NRXN1: variants seen among roughly 807,000 people sequenced by gnomAD.
NRXN1 encodes neurexin 1, also known as neurexin-1.
A neutral mutation model predicts 150.9 loss-of-function variants in NRXN1; 39 were observed. That is an observed-to-expected ratio of 0.26 (90% CI 0.20 to 0.34). The LOEUF (loss-of-function observed/expected upper bound fraction) is 0.34, where lower values mean the gene tolerates loss of function less well. Among genes scored for constraint, NRXN1 ranks in the 10% least tolerant of loss-of-function variants. The probability of loss-of-function intolerance (pLI) is 1.00; values close to 1 mark genes in which losing one functional copy is unlikely to be tolerated. For missense variants in NRXN1, 1,815 were observed against 1,949.9 expected (o/e 0.93, Z 1.30); for synonymous variants, 924 against 757.0 (o/e 1.22, Z -3.62).
intron 21 of NRXN1, among the ~76,000 whole-genome samples, chr2:49,967,699 T>A (rs1344581496): frequency 6.6e-6 from 1 of 152,182 alleles, no homozygotes; most frequent in South Asian, 2.1e-4. Context: ...CTGGAGTCAG[T>A]ATTTATTTTG....
intron 2 of NRXN1, among the ~76,000 whole-genome samples, chr2:50,944,117 C>G (rs756479245): frequency 6.6e-6 from 1 of 151,962 alleles, no homozygotes; most frequent in Non-Finnish European, 1.5e-5. Context: ...TGTTTTTTCA[C>G]TTGGCTAAAA....
At chr2:50,998,901 C>T (rs1286103233) in intron 2 of NRXN1, among the ~76,000 whole-genome samples, 2 of 151,804 alleles carry the variant, frequency 1.3e-5, no homozygotes, top group Non-Finnish European at 2.9e-5. Context: ...TCAATTAGCC[C>T]AATGTCAGAT....
At chr2:50,504,960 T>G (rs999622256) in intron 13 of NRXN1, among the ~76,000 whole-genome samples, 1 of 152,192 alleles carries the variant, frequency 6.6e-6, no homozygotes, top group Non-Finnish European at 1.5e-5. Flanking sequence ...TATCAATTGC[T>G]TTAAACAATA....
chr2:51,026,272 A>C, intron 2 of NRXN1: 1 of 744,780 alleles, frequency 1.3e-6, no homozygotes, highest in Non-Finnish European at 2.3e-6. Context: ...CCATTTATCC[A>C]TGTGTTGATT....
At chr2:50,351,411 G>A (rs1558579887) in intron 17 of NRXN1, among the ~76,000 whole-genome samples, 1 of 152,158 alleles carries the variant, frequency 6.6e-6, no homozygotes, top group East Asian at 1.9e-4. Flanking sequence ...TTATGATGTG[G>A]CTGTGCTCAT....
intron 18 of NRXN1, among the ~76,000 whole-genome samples, chr2:50,226,083 A>C (rs934663099): frequency 1.3e-5 from 2 of 151,988 alleles, no homozygotes; most frequent in African/African-American, 4.8e-5. Context: ...GTGGTTAAGC[A>C]CATGGATTTA....
intron 21 of NRXN1, among the ~76,000 whole-genome samples, chr2:49,952,198 C>A (rs1674090691): frequency 2.6e-5 from 4 of 151,894 alleles, no homozygotes; most frequent in Admixed American, 2.6e-4. Context: ...TCCATCCATC[C>A]CAAACCATCT....
chr2:50,137,697 C>T (rs1280209319), intron 18 of NRXN1, among the ~76,000 whole-genome samples: 1 of 152,004 alleles, frequency 6.6e-6, no homozygotes, highest in Non-Finnish European at 1.5e-5. Context: ...GCCTGCCTGC[C>T]GCTCATAAAA....
chr2:50,047,322 C>CATATAT (rs770544453), intron 21 of NRXN1, among the ~76,000 whole-genome samples: 1 of 151,220 alleles, frequency 6.6e-6, no homozygotes, highest in Non-Finnish European at 1.5e-5. Flanking sequence ...CTTCCTCAGA[C>CATATAT]ATATATATAT....
At chr2:49,959,049 G>A (rs754450182) in intron 21 of NRXN1, among the ~76,000 whole-genome samples, 4 of 152,124 alleles carry the variant, frequency 2.6e-5, no homozygotes, top group Admixed American at 6.6e-5. Context: ...AAAGTTCTTC[G>A]TGAAGGTAGT....
At chr2:50,723,489 T>C (rs1456686709) in intron 5 of NRXN1, among the ~76,000 whole-genome samples, 1 of 152,208 alleles carries the variant, frequency 6.6e-6, no homozygotes, top group Non-Finnish European at 1.5e-5. Flanking sequence ...ATTATTGTTA[T>C]GTGGAAAGTC....
Position 50,497,537 on chromosome 2 carries a change from T to G in NRXN1, c.2675A>C (p.Glu892Ala), listed in dbSNP as rs202178129. The change falls in exon 14 of 23, where the codon GAG becomes GCG. Residue 892 changes from glutamate (E) to alanine (A), a missense_variant. Glu to Ala is a moderately radical substitution (Grantham distance 107). Transcript: ENST00000401669. ...CCTGAAGCCAAATCTGGCATTAAGC[T>G]CACAGTAATCTATGTCGCCATTTTT... Reference protein sequence around the residue: ...LCKNGDIDYCELNARFGFRNI... With the variant: ...LCKNGDIDYCALNARFGFRNI... 6.2e-7 allele frequency: 1 copy of G among 1,613,888 alleles called. No homozygotes were observed. Among genetic ancestry groups the G allele is most frequent in the Non-Finnish European group, 8.5e-7 (1 of 1,179,864 alleles).
At chr2:50,917,307 A>G (rs1685351474) in intron 5 of NRXN1, 1 of 151,752 alleles carries the variant, frequency 6.6e-6, no homozygotes, top group African/African-American at 2.4e-5. Flanking sequence ...GAAGATACAT[A>G]TCATATTTTA....
At chr2:50,726,067 A>G (rs1267618671) in intron 5 of NRXN1, among the ~76,000 whole-genome samples, 1 of 152,172 alleles carries the variant, frequency 6.6e-6, no homozygotes, top group African/African-American at 2.4e-5. Flanking sequence ...TTTATGATCT[A>G]GAGTCAGTGT....
intron 5 of NRXN1, among the ~76,000 whole-genome samples, chr2:50,683,007 A>G (rs1441591464): frequency 6.6e-6 from 1 of 152,042 alleles, no homozygotes; most frequent in Non-Finnish European, 1.5e-5. Flanking sequence ...TTGTTCATTA[A>G]TCAACCATTG....
At chr2:50,121,846 C>G (rs997923745) in intron 18 of NRXN1, among the ~76,000 whole-genome samples, 1 of 152,112 alleles carries the variant, frequency 6.6e-6, no homozygotes, top group Non-Finnish European at 1.5e-5. Context: ...CAAAATAGAA[C>G]TTTCCTCAAG....
At chr2:51,029,695 A>G (rs2105344245) in intron 1 of NRXN1, among the ~76,000 whole-genome samples, 1 of 152,334 alleles carries the variant, frequency 6.6e-6, no homozygotes, top group South Asian at 2.1e-4. Context: ...TTTTCTTAGA[A>G]GGAATATTGA....
chr2:50,184,167 T>A (rs552566353), intron 18 of NRXN1, among the ~76,000 whole-genome samples: 1 of 152,224 alleles, frequency 6.6e-6, no homozygotes, highest in South Asian at 2.1e-4. Context: ...AACTTGAATA[T>A]TGTTTTAGTC....
At chr2:50,272,313 C>A (rs1001426378) in intron 17 of NRXN1, among the ~76,000 whole-genome samples, 19 of 152,144 alleles carry the variant, frequency 1.2e-4, no homozygotes, top group Non-Finnish European at 2.9e-5. Context: ...GAGACAGCCA[C>A]AGGAAAAGGT....
Sources: gnomAD v4.1 joint callset for allele counts (sites outside exome capture counted in the v4.1 genomes callset) on GRCh38, gnomAD v4.1.1 for gene constraint, MANE v1.5 for transcripts, NCBI Gene and HGNC (gene_info 2026-07-23, HGNC 2026-07-21) for gene names.